The following IQGAP3 variants were observed in gnomAD, a reference collection of about 807,000 sequenced individuals.
IQGAP3 encodes the protein ras GTPase-activating-like protein IQGAP3.
Under a neutral mutation model 208.2 loss-of-function variants are expected in IQGAP3, and 165 were observed. The ratio of observed to expected loss-of-function variants is 0.79; its 90% CI spans 0.70 to 0.90. The LOEUF is 0.90. IQGAP3 is among the 40% of genes least tolerant of loss of function. IQGAP3 has a pLI of 0.00. For synonymous variants in IQGAP3, 703 were observed against 803.6 expected, an observed-to-expected ratio of 0.87 and a Z score of 2.12; for missense variants, 1,811 against 2,043.1, an observed-to-expected ratio of 0.89 and a Z score of 2.19.
rs1557925427 is a variant in IQGAP3, at chr1:156,539,454, G to A, written c.2976C>T (p.Ser992=). The A allele has an allele frequency of 6.2e-7, 1 of 1,613,980 alleles. No homozygotes were observed. The highest frequency in any genetic ancestry group is 8.5e-7 in the Non-Finnish European group (1 of 1,179,958). ...GGCGGCTGGAGGCATAGTTGTACAGGCTGAAAATCACTGCCTCCATGAACT... is the reference window on the plus strand; with the variant it reads ...GGCGGCTGGAGGCATAGTTGTACAGACTGAAAATCACTGCCTCCATGAACT... ...TTKFMEAVIF[S]LYNYASSRRE... is the part of the protein sequence containing the mutation. Residue 992 remains serine, a synonymous_variant, in exon 25 of 38, where the codon AGC becomes AGT. Transcript: ENST00000361170.
At position 156,561,873 on chromosome 1, in the gene IQGAP3, C is replaced by T; in HGVS notation, c.1006G>A (p.Glu336Lys). The change falls in exon 10 of 38, where the codon GAG becomes AAG. Residue 336 changes from glutamate to lysine, a missense_variant. Physicochemically the swap from Glu to Lys is moderately conservative, Grantham distance 56 (BLOSUM62 1). Coordinates refer to ENST00000361170, the MANE Select transcript of IQGAP3 (RefSeq NM_178229.5). ...TGCTCTCTGTCTGAGTTCAGCTGCT[C>T]CAGGTACCAGTCAGCAAAGTCTCTC... ...VRRDFADWYL[E>K]QLNSDREQKA... 6.2e-7 allele frequency: 1 copy of T among 1,614,062 alleles called. No homozygotes were observed. The highest frequency in any genetic ancestry group is 8.5e-7 in the Non-Finnish European group (1 of 1,179,984).
chr1:156,537,516 T>C (rs1413477626), intron 26 of IQGAP3, among the ~76,000 whole-genome samples, 195 bp from the exon 27 acceptor site: 1 of 151,480 alleles, frequency 6.6e-6, no homozygotes, highest in South Asian at 2.1e-4. Context: ...TAAAGAAGAG[T>C]TGGAGTATCT....
At chr1:156,546,009 G>C (rs964058695) in intron 19 of IQGAP3, among the ~76,000 whole-genome samples, 1 of 152,148 alleles carries the variant, frequency 6.6e-6, no homozygotes, top group Non-Finnish European at 1.5e-5. Context: ...AGGATAGCTT[G>C]GTCCATGATG....
At position 156,530,265 on chromosome 1, in the gene IQGAP3, G is replaced by A; in HGVS notation, c.4244C>T (p.Thr1415Ile). 1 of 1,612,444 alleles carries A rather than the reference G, an allele frequency of 6.2e-7. No individual in the cohort carries two copies. Among genetic ancestry groups the A allele is most frequent in the Non-Finnish European group, 8.5e-7 (1 of 1,179,986 alleles). The change falls in exon 34 of 38, where the codon ACA (threonine) becomes ATA (isoleucine). Residue 1415 changes from threonine to isoleucine, a missense_variant. Coordinates refer to ENST00000361170, the MANE Select transcript of IQGAP3 (RefSeq NM_178229.5). ...MSRRQACTAQ[T>I]PEPLRRHRSL... is the part of the protein sequence containing the mutation. ...GCGGTGTCGTCGCAGTGGCTCCGGTGTCTGGGCTGTACAGGCCTGGCGTCG... is the reference window on the plus strand; with the variant it reads ...GCGGTGTCGTCGCAGTGGCTCCGGTATCTGGGCTGTACAGGCCTGGCGTCG...
At chr1:156,569,693 T>C (rs1174614363) in intron 1 of IQGAP3, among the ~76,000 whole-genome samples, 1 of 151,944 alleles carries the variant, frequency 6.6e-6, no homozygotes, top group Non-Finnish European at 1.5e-5. Flanking sequence ...TAATTTTTTA[T>C]ATTTTTTAGT....
In IQGAP3 at chr1:156,563,198, G is replaced by A; in HGVS notation, c.734C>T (p.Ala245Val). The A allele has an allele frequency of 6.2e-7, 1 of 1,613,010 alleles. No homozygotes were observed. ...ALLENLREPL[A>V]AVYQEMLAQA... is the part of the protein sequence containing the mutation. ...GGCCAGCATCTCTTGGTAGACGGCT[G>A]CCAGAGGCTCTCGGAGATTCTCCAG... is the stretch of plus-strand genomic sequence containing the variant. The change falls in exon 8 of 38, where the codon GCA becomes GTA. Residue 245 changes from alanine to valine, a missense_variant. By Grantham distance (64) the Ala-to-Val change is moderately conservative. Transcript: ENST00000361170.
chr1:156,548,070 C>A lies in IQGAP3; in HGVS notation c.2304+3G>T. The A allele has an allele frequency of 6.2e-7, 1 of 1,611,978 alleles. No homozygotes were observed. Among genetic ancestry groups the A allele is most frequent in the South Asian group, 1.1e-5 (1 of 90,680 alleles). On this transcript the variant is annotated splice_donor_region_variant and intron_variant, in intron 19 of 37. Coordinates refer to ENST00000361170, the MANE Select transcript of IQGAP3 (RefSeq NM_178229.5). ...GAAGACTGAGAAAGCCAGAGCCTGC[C>A]ACCTGGATCTTGATGACTGCTGGGA...
chr1:156,550,736 C>T (rs1458824250), intron 15 of IQGAP3, among the ~76,000 whole-genome samples: 4 of 152,174 alleles, frequency 2.6e-5, no homozygotes, highest in Admixed American at 1.3e-4. Flanking sequence ...TGCCCCCACG[C>T]CCCACTCCCC....
Position 156,540,765 on chromosome 1 carries a change from GT to G in IQGAP3, c.2681del (p.Asp894AlafsTer13). ...CAATCTTGATGTCCATGATGTTGAGGTCCTGCTCCAGCTGCTGATTGGATCG... is the reference window on the plus strand; with the variant it reads ...CAATCTTGATGTCCATGATGTTGAGGCCTGCTCCAGCTGCTGATTGGATCG... ...KIRSNQQLEQDLNIMDIKIGL... is the reference protein window; with the variant it reads ...KIRSNQQLEQXLNIMDIKIGL... On this transcript the variant is annotated frameshift_variant, in exon 23 of 38. Transcript: ENST00000361170. LOFTEE classifies it high-confidence loss of function. The G allele has an allele frequency of 6.2e-7, 1 of 1,614,172 alleles. No homozygotes were observed. The highest frequency in any genetic ancestry group is 1.1e-5 in the South Asian group (1 of 91,078).
At position 156,528,004 on chromosome 1, in the gene IQGAP3, A is replaced by C; in HGVS notation, c.4730T>G (p.Val1577Gly). Reference protein sequence around the residue: ...TPGDEAGKFEVNAKFLGVDME... With the variant: ...TPGDEAGKFEGNAKFLGVDME... ...GTCCACACCCAGGAACTTGGCATTTACTTCAAACTTTCCTGCCTCATCTCC... is the reference window on the plus strand; with the variant it reads ...GTCCACACCCAGGAACTTGGCATTTCCTTCAAACTTTCCTGCCTCATCTCC... The change falls in exon 37 of 38, where the codon GTA becomes GGA. Residue 1577 changes from valine (V) to glycine (G), a missense_variant. Transcript: ENST00000361170. 1 of 1,614,146 alleles carries C rather than the reference A, an allele frequency of 6.2e-7. No individual in the cohort carries two copies.
intron 1 of IQGAP3, 63 bp from the exon 2 acceptor site, chr1:156,569,526 G>GTATT: frequency 8.0e-6 from 3 of 376,368 alleles, no homozygotes; most frequent in East Asian, 5.5e-5. Context: ...GCACTGAAGG[G>GTATT]TCTTTTTTTT....
At position 156,529,046 on chromosome 1, in the gene IQGAP3, T is replaced by C; in HGVS notation, c.4441A>G (p.Lys1481Glu). Residue 1481 changes from lysine to glutamate, a missense_variant, in exon 35 of 38, where the codon AAG (lysine) becomes GAG (glutamate). Lys to Glu is a moderately conservative substitution (Grantham distance 56). Transcript: ENST00000361170. ...RNQHRHRHRR[K>E]AELVKLQATL... ...GCCTGCAGCTTCACCAGCTCTGCCT[T>C]CCGCCTGTGCCTGTGTCTGTGCTGG... is the stretch of plus-strand genomic sequence containing the variant. The C allele has an allele frequency of 6.2e-7, 1 of 1,614,170 alleles. No homozygotes were observed. The highest frequency in any genetic ancestry group is 8.5e-7 in the Non-Finnish European group (1 of 1,180,032).
chr1:156,536,858 A>C (rs1571319720), intron 27 of IQGAP3: 1 of 205,814 alleles, frequency 4.9e-6, no homozygotes. Flanking sequence ...TTTATTTTTG[A>C]TATTGGGAAC....
chr1:156,572,084 A>G (rs1676674559), intron 1 of IQGAP3, among the ~76,000 whole-genome samples: 1 of 152,072 alleles, frequency 6.6e-6, no homozygotes, highest in South Asian at 2.1e-4. Flanking sequence ...TTTGACAGGC[A>G]TTGTCTGAAA....
chr1:156,540,661 C>T (rs760572092), intron 23 of IQGAP3, 47 bp downstream of exon 23: 1 of 1,526,776 alleles, frequency 6.5e-7, no homozygotes, highest in South Asian at 1.1e-5. Context: ...ATCACATCTC[C>T]AGAGGCAGGC....
rs374933643 is a variant in IQGAP3 at position 156,533,049 on chromosome 1, G to T, written c.4034C>A (p.Thr1345Lys). 8 of 1,613,946 alleles carry T rather than the reference G, an allele frequency of 5.0e-6. No homozygotes were observed. The African/African-American group carries it at 1.1e-4, about 22-fold the overall frequency. ...TDLSKLEVSL[T>K]LTNKFEGLEA... ...TAGTCCTTCAAACTTGTTGGTCAGC[G>T]TCAGGGACACTTCTAGCTTGCTCAG... The change falls in exon 32 of 38, where the codon ACG (threonine) becomes AAG (lysine). Residue 1345 changes from threonine (T) to lysine (K), a missense_variant. By Grantham distance (78) the Thr-to-Lys change is moderately conservative. Transcript: ENST00000361170.
rs761179401 is a variant in IQGAP3 at position 156,563,569 on chromosome 1, C to T, written c.603G>A (p.Ser201=). The T allele has an allele frequency of 8.7e-6, 14 of 1,613,522 alleles. No individual in the cohort carries two copies. Among genetic ancestry groups the T allele is most frequent in the African/African-American group, 2.7e-5 (2 of 74,924 alleles). ...AGTCCTTACCTGCAGCCTCATCCAC[C>T]GAGAGCTCATTGGCCAAGATGCCCC... ...KIGGILANEL[S]VDEAAVHAAV... is the part of the protein sequence containing the mutation. The change falls in exon 7 of 38, where the codon TCG becomes TCA. Residue 201 remains serine, a synonymous_variant. Transcript: ENST00000361170.
At chr1:156,561,261 C>G (rs946121135) in intron 10 of IQGAP3, among the ~76,000 whole-genome samples, 1 of 152,062 alleles carries the variant, frequency 6.6e-6, no homozygotes, top group Non-Finnish European at 1.5e-5. Context: ...CTCTGCCTCC[C>G]GGGTTCAAGC....
intron 10 of IQGAP3, 29 bp downstream of exon 10, chr1:156,561,809 G>T (rs149563494): frequency 6.2e-7 from 1 of 1,609,830 alleles, no homozygotes; most frequent in Admixed American, 1.7e-5. Flanking sequence ...TCACATACAG[G>T]GGGTGGCAGG....
Sources: gnomAD v4.1 joint callset for allele counts (sites outside exome capture counted in the v4.1 genomes callset) on GRCh38, gnomAD v4.1.1 for gene constraint, MANE v1.5 for transcripts, NCBI Gene and HGNC (gene_info 2026-07-23, HGNC 2026-07-21) for gene names.